Variants in ASB3 observed in about 807,000 individuals in gnomAD.
The protein encoded by ASB3 is ankyrin repeat and SOCS box containing 3.
ASB3 carries 41 observed loss-of-function variants against 54.5 expected under a neutral mutation model. The ratio of observed to expected loss-of-function variants is 0.75; its 90% CI spans 0.59 to 0.98. The LOEUF (loss-of-function observed/expected upper bound fraction) is 0.98, where lower values mean the gene tolerates loss of function less well. ASB3 is among the 50% of genes least tolerant of loss of function. The probability of loss-of-function intolerance (pLI) is 0.00; values close to 1 mark genes in which losing one functional copy is unlikely to be tolerated. For synonymous variants in ASB3, 266 were observed against 221.2 expected, an observed-to-expected ratio of 1.20 and a Z score of -1.80; for missense variants, 733 against 620.0, an observed-to-expected ratio of 1.18 and a Z score of -1.94.
At chr2:53,752,653 T>A (rs529755030) in intron 2 of ASB3, among the ~76,000 whole-genome samples, 5 of 152,384 alleles carry the variant, frequency 3.3e-5, no homozygotes, top group Admixed American at 3.3e-4. Flanking sequence ...CATTTGGCTG[T>A]CTCCTCTCTC....
At chr2:53,763,577 G>A (rs995644003) in intron 2 of ASB3, 3 of 169,298 alleles carry the variant, frequency 1.8e-5, no homozygotes, top group African/African-American at 7.2e-5. Flanking sequence ...GACATTTTGG[G>A]ACCAATTCCC....
chr2:53,700,494 T>C lies in ASB3; in HGVS notation c.1015A>G (p.Lys339Glu). 6.2e-7 allele frequency: 1 copy of C among 1,612,992 alleles called. No individual in the cohort carries two copies. Among genetic ancestry groups the C allele is most frequent in the Non-Finnish European group, 8.5e-7 (1 of 1,179,698 alleles). Residue 339 changes from lysine (K) to glutamate (E), a missense_variant, in exon 8 of 10, where the codon AAA (lysine) becomes GAA (glutamate). Physicochemically the swap from Lys to Glu is moderately conservative, Grantham distance 56. Coordinates refer to ENST00000263634, the MANE Select transcript of ASB3 (RefSeq NM_016115.5). Reference protein sequence around the residue: ...EFFGIVNILLKYGAQINELHL... With the variant: ...EFFGIVNILLEYGAQINELHL... ...AGTTCATTTATCTGGGCTCCATATTTCAAAAGAATGTTCACAATTCCAAAG... is the reference window on the plus strand; with the variant it reads ...AGTTCATTTATCTGGGCTCCATATTCCAAAAGAATGTTCACAATTCCAAAG...
intron 7 of ASB3, among the ~76,000 whole-genome samples, chr2:53,714,041 C>T (rs1400144338): frequency 1.3e-5 from 2 of 152,130 alleles, no homozygotes; most frequent in African/African-American, 4.8e-5. Flanking sequence ...CTGAAGCAGT[C>T]ACTGCCTTAC....
chr2:53,774,328 G>A (rs746994832), intron 1 of ASB3: 20 of 1,613,254 alleles, frequency 1.2e-5, no homozygotes, highest in East Asian at 4.5e-5. Flanking sequence ...TGATTATCTT[G>A]GTCCTGCACC....
intron 7 of ASB3, among the ~76,000 whole-genome samples, chr2:53,713,849 G>A (rs372491004): frequency 1.4e-3 from 209 of 152,044 alleles, no homozygotes; most frequent in African/African-American, 4.3e-3. Context: ...GGATGCAGAA[G>A]TTGCAATGAG....
chr2:53,747,028 A>T (rs2103990653), intron 3 of ASB3, among the ~76,000 whole-genome samples: 2 of 152,330 alleles, frequency 1.3e-5, no homozygotes, highest in South Asian at 4.1e-4. Flanking sequence ...TAACATAAAA[A>T]AGTACAAGTT....
intron 1 of ASB3, chr2:53,767,794 G>A (rs747083491): frequency 1.7e-5 from 25 of 1,490,210 alleles, no homozygotes; most frequent in East Asian, 5.0e-5. Context: ...TGCGCCCCGC[G>A]CGGCCGGTTA....
At chr2:53,748,839 T>G (rs1342614294) in intron 3 of ASB3, among the ~76,000 whole-genome samples, 3 of 152,050 alleles carry the variant, frequency 2.0e-5, no homozygotes, top group African/African-American at 7.2e-5. Flanking sequence ...TAAAAGACAT[T>G]CACGAAAAAA....
At position 53,766,672 on chromosome 2, in the gene ASB3, C is replaced by T. The variant is rs188896419; in HGVS notation, c.-13-1087G>A. On this transcript the variant is annotated intron_variant, in intron 1 of 9. Transcript: ENST00000263634. Reference sequence around the variant, plus strand: ...CTGGATCTAGATGAAAGGTATTGGTCATTACACTCTTTTTATCTGAGTTTT... The same window carrying T: ...CTGGATCTAGATGAAAGGTATTGGTTATTACACTCTTTTTATCTGAGTTTT... Among the ~76,000 whole-genome samples the T allele has an allele frequency of 2.6e-5, 4 of 152,148 alleles. No individual in the cohort carries two copies. In the East Asian group the frequency reaches 7.7e-4, roughly 29 times the overall value.
At chr2:53,748,278 C>G (rs1349393899) in intron 3 of ASB3, 1 of 152,192 alleles carries the variant, frequency 6.6e-6, no homozygotes, top group Non-Finnish European at 1.5e-5. Context: ...CTTGTAAAAT[C>G]ACCTTTTTTA....
At chr2:53,709,495 G>A (rs1265266456) in intron 7 of ASB3, among the ~76,000 whole-genome samples, 2 of 152,130 alleles carry the variant, frequency 1.3e-5, no homozygotes, top group East Asian at 1.9e-4. Context: ...GAGAGAGCCT[G>A]GAACACTGAA....
At chr2:53,703,818 T>A (rs1452180671) in intron 7 of ASB3, among the ~76,000 whole-genome samples, 1 of 152,182 alleles carries the variant, frequency 6.6e-6, no homozygotes, top group African/African-American at 2.4e-5. Flanking sequence ...ACACCTGAAG[T>A]CGGATAGGTG....
intron 2 of ASB3, among the ~76,000 whole-genome samples, chr2:53,760,136 T>C (rs1326343198): frequency 6.6e-6 from 1 of 152,118 alleles, no homozygotes; most frequent in African/African-American, 2.4e-5. Flanking sequence ...ACTCCTTTGT[T>C]AGGGAGAGAC....
intron 8 of ASB3, among the ~76,000 whole-genome samples, chr2:53,696,990 G>C (rs1296313569): frequency 2.6e-5 from 4 of 152,128 alleles, no homozygotes; most frequent in Admixed American, 2.0e-4. Flanking sequence ...GGAAATTAAG[G>C]CATTCTTAGT....
At chr2:53,744,279 G>C (rs1441365445) in intron 3 of ASB3, among the ~76,000 whole-genome samples, 2 of 151,188 alleles carry the variant, frequency 1.3e-5, no homozygotes, top group African/African-American at 4.9e-5. Context: ...AGCTACTTGA[G>C]AGGCTGAGGC....
intron 9 of ASB3, among the ~76,000 whole-genome samples, chr2:53,678,085 T>A (rs1337618874): frequency 1.3e-5 from 2 of 152,156 alleles, no homozygotes; most frequent in African/African-American, 2.4e-5. Flanking sequence ...AATGAAGTGA[T>A]TACTACAGTC....
chr2:53,693,887 T>C lies in ASB3; in HGVS notation c.1366A>G (p.Ile456Val), dbSNP rs944926495. 3.7e-6 allele frequency: 6 copies of C among 1,612,860 alleles called. No individual in the cohort carries two copies. In the Admixed American group the frequency reaches 8.3e-5, roughly 22 times the overall value. Residue 456 changes from isoleucine to valine, a missense_variant, in exon 9 of 10, where the codon ATT becomes GTT. By Grantham distance (29) the Ile-to-Val change is conservative. Coordinates refer to ENST00000263634, the MANE Select transcript of ASB3 (RefSeq NM_016115.5). ...TTTAAAAGTTATTCTTTCTTACCAA[T>C]ATGTTGCTGTAGAATCCAAGCGTTT... is the stretch of plus-strand genomic sequence containing the variant. ...ASNAWILQQH[I>V]ATVPSLTHLC...
At chr2:53,765,714 A>C in intron 1 of ASB3, 129 bp from the exon 2 acceptor site, 1 of 1,075,390 alleles carries the variant, frequency 9.3e-7, no homozygotes, top group Non-Finnish European at 1.3e-6. Flanking sequence ...CACAATACAG[A>C]AAGTGACTGC....
intron 2 of ASB3, among the ~76,000 whole-genome samples, chr2:53,764,955 T>C (rs552894840): frequency 1.2e-4 from 18 of 152,342 alleles, no homozygotes; most frequent in African/African-American, 4.1e-4. Flanking sequence ...GCTAAGTAGT[T>C]GTAAAAATTC....
Sources: gnomAD v4.1 joint callset for allele counts (sites outside exome capture counted in the v4.1 genomes callset) on GRCh38, gnomAD v4.1.1 for gene constraint, MANE v1.5 for transcripts, NCBI Gene and HGNC (gene_info 2026-07-23, HGNC 2026-07-21) for gene names.